The following BMPR2 variants were observed in gnomAD, a reference collection of about 807,000 sequenced individuals.
BMPR2 encodes bone morphogenetic protein receptor type 2, also known as bone morphogenetic protein receptor type-2.
A neutral mutation model predicts 100.8 loss-of-function variants in BMPR2; 29 were observed. The ratio of observed to expected loss-of-function variants is 0.29; its 90% CI spans 0.21 to 0.39. The LOEUF is 0.39. BMPR2 is among the 10% of genes least tolerant of loss of function. The pLI is 1.00. For synonymous variants in BMPR2, 382 were observed against 442.3 expected (o/e 0.86, Z 1.71); for missense variants, 1,011 against 1,274.5 (o/e 0.79, Z 3.15).
intron 9 of BMPR2, among the ~76,000 whole-genome samples, chr2:202,535,397 C>G (rs1688130285): frequency 1.4e-5 from 2 of 147,494 alleles, no homozygotes; most frequent in South Asian, 2.2e-4. Context: ...CGCTCCTCAC[C>G]TCCCAGACGG....
intron 1 of BMPR2, among the ~76,000 whole-genome samples, chr2:202,406,040 C>G (rs1054562064): frequency 6.6e-6 from 1 of 152,164 alleles, no homozygotes; most frequent in African/African-American, 2.4e-5. Context: ...GTTTGTATTT[C>G]ACTTCTTGAT....
At chr2:202,477,560 C>T (rs759994100) in intron 3 of BMPR2, among the ~76,000 whole-genome samples, 20 of 152,218 alleles carry the variant, frequency 1.3e-4, no homozygotes, top group East Asian at 3.9e-4. Context: ...GAGGCCAAGG[C>T]GGGCGGATCA....
intron 8 of BMPR2, among the ~76,000 whole-genome samples, chr2:202,531,745 C>G (rs1296905713): frequency 1.3e-5 from 2 of 152,198 alleles, no homozygotes; most frequent in East Asian, 3.9e-4. Context: ...AATTCTCCTG[C>G]CTCAGCCTCC....
intron 1 of BMPR2, among the ~76,000 whole-genome samples, chr2:202,422,409 C>G (rs994889088): frequency 1.3e-5 from 2 of 152,074 alleles, no homozygotes; most frequent in African/African-American, 4.8e-5. Flanking sequence ...CGGGTTCCCA[C>G]CATTCTCCTG....
intron 3 of BMPR2, among the ~76,000 whole-genome samples, chr2:202,469,843 G>C (rs1045354421): frequency 6.6e-6 from 1 of 151,920 alleles, no homozygotes; most frequent in Non-Finnish European, 1.5e-5. Context: ...GAAAGATAAG[G>C]GGGGGAAAAA....
chr2:202,405,713 CAGG>C (rs1290527882), intron 1 of BMPR2, among the ~76,000 whole-genome samples: 1 of 136,210 alleles, frequency 7.3e-6, no homozygotes, highest in Non-Finnish European at 1.6e-5. Context: ...AAAAAAAAAG[CAGG>C]GAAAATGTGC....
Position 202,467,564 on chromosome 2 carries a change from A to G in BMPR2, c.293A>G (p.Glu98Gly), listed in dbSNP as rs768903998. 1 of 1,571,942 alleles carries G rather than the reference A, an allele frequency of 6.4e-7. No homozygotes were observed. Among genetic ancestry groups the G allele is most frequent in the South Asian group, 1.1e-5 (1 of 90,250 alleles). ...IGDPQECHYEECVVTTTPPSI... is the reference protein window; with the variant it reads ...IGDPQECHYEGCVVTTTPPSI... Reference sequence around the variant, plus strand: ...GATCCCCAAGAGTGTCACTATGAAGAATGTGTAGTAACTACCACTCCTCCC... The same window carrying G: ...GATCCCCAAGAGTGTCACTATGAAGGATGTGTAGTAACTACCACTCCTCCC... The change falls in exon 3 of 13, where the codon GAA becomes GGA. Residue 98 changes from glutamate (E) to glycine (G), a missense_variant. Physicochemically the swap from Glu to Gly is moderately conservative, Grantham distance 98. Transcript: ENST00000374580.
chr2:202,442,704 T>G (rs1489928913), intron 1 of BMPR2, among the ~76,000 whole-genome samples: 1 of 150,712 alleles, frequency 6.6e-6, no homozygotes, highest in Non-Finnish European at 1.5e-5. Flanking sequence ...TTTCATCTTT[T>G]GTGACTGGTA....
intron 3 of BMPR2, among the ~76,000 whole-genome samples, chr2:202,507,073 A>G (rs574468607): frequency 3.8e-3 from 374 of 98,764 alleles, no homozygotes; most frequent in Non-Finnish European, 6.6e-3. Context: ...ACTCTGCCTT[A>G]AAAAAAAAAA....
At chr2:202,507,171 G>T (rs894774814) in intron 3 of BMPR2, among the ~76,000 whole-genome samples, 2 of 151,720 alleles carry the variant, frequency 1.3e-5, no homozygotes, top group Non-Finnish European at 2.9e-5. Flanking sequence ...CTTTACCTAG[G>T]ATAAGAGCAG....
intron 7 of BMPR2, chr2:202,520,556 A>G: frequency 3.2e-6 from 1 of 314,040 alleles, no homozygotes; most frequent in Non-Finnish European, 6.1e-6. Flanking sequence ...CTTCCTCTGC[A>G]AGCGGACAAG....
chr2:202,491,413 G>A (rs1318730765), intron 3 of BMPR2, among the ~76,000 whole-genome samples: 2 of 151,662 alleles, frequency 1.3e-5, no homozygotes, highest in Non-Finnish European at 2.9e-5. Context: ...CCCTAAGTAC[G>A]TCTCTTTTTT....
intron 1 of BMPR2, among the ~76,000 whole-genome samples, chr2:202,456,514 T>TC (rs1491531444): frequency 7.1e-6 from 1 of 140,100 alleles, no homozygotes; most frequent in Non-Finnish European, 1.6e-5. Flanking sequence ...TCTTTCTTTC[T>TC]TTCTTTTTTT....
chr2:202,484,988 AG>A (rs1266088902), intron 3 of BMPR2, among the ~76,000 whole-genome samples: 119 of 145,622 alleles, frequency 8.2e-4, no homozygotes, highest in Non-Finnish European at 1.2e-3. Context: ...AAAAAAAAAA[AG>A]AAAGAAAGAA....
chr2:202,504,108 C>T (rs1039283618), intron 3 of BMPR2, among the ~76,000 whole-genome samples: 5 of 152,060 alleles, frequency 3.3e-5, no homozygotes, highest in African/African-American at 7.2e-5. Context: ...CACCAATCAG[C>T]GCCCTGTCAA....
chr2:202,553,479 T>A (rs1257864103), intron 11 of BMPR2, among the ~76,000 whole-genome samples: 1 of 152,202 alleles, frequency 6.6e-6, no homozygotes, highest in Non-Finnish European at 1.5e-5. Flanking sequence ...AAAGGCTTTT[T>A]AAAAATTCCT....
chr2:202,397,948 C>T (rs962951029), intron 1 of BMPR2, among the ~76,000 whole-genome samples: 3 of 151,716 alleles, frequency 2.0e-5, no homozygotes, highest in East Asian at 1.9e-4. Context: ...TGGTGAAACC[C>T]GGTCTCTACT....
At chr2:202,394,370 A>G (rs1304778655) in intron 1 of BMPR2, among the ~76,000 whole-genome samples, 1 of 151,808 alleles carries the variant, frequency 6.6e-6, no homozygotes, top group African/African-American at 2.4e-5. Context: ...AAAAGTAATA[A>G]TAATAATAAT....
intron 1 of BMPR2, among the ~76,000 whole-genome samples, chr2:202,424,971 T>C (rs76828281): frequency 1.8e-3 from 279 of 151,982 alleles, no homozygotes; most frequent in African/African-American, 5.0e-3. Context: ...TTTTTTTTTT[T>C]CCCCAGAGAT....
Sources: allele counts gnomAD v4.1 joint callset (sites outside exome capture counted in the v4.1 genomes callset), GRCh38; gene constraint gnomAD v4.1.1; transcripts MANE v1.5; gene names NCBI Gene and HGNC (gene_info 2026-07-23, HGNC 2026-07-21).